The following AFF1 variants were observed in gnomAD, a reference collection of about 807,000 sequenced individuals.
AFF1 encodes the protein ALF transcription elongation factor 1, also known as AF4/FMR2 family member 1.
A neutral mutation model predicts 121.7 loss-of-function variants in AFF1; 48 were observed. The observed-to-expected ratio is 0.39, with a 90% CI of 0.31 to 0.50. The LOEUF (loss-of-function observed/expected upper bound fraction) is 0.50, where lower values mean the gene tolerates loss of function less well. AFF1 is among the 20% of genes least tolerant of loss of function. The pLI is 0.76. For synonymous variants in AFF1, 613 were observed against 563.0 expected, an observed-to-expected ratio of 1.09 and a Z score of -1.26; for missense variants, 1,523 against 1,511.7, an observed-to-expected ratio of 1.01 and a Z score of -0.12.
At chr4:87,074,190 A>C (rs1031707126) in intron 4 of AFF1, among the ~76,000 whole-genome samples, 1 of 152,186 alleles carries the variant, frequency 6.6e-6, no homozygotes, top group South Asian at 2.1e-4. Flanking sequence ...TTTCGTGAGC[A>C]GAATTGGTTG....
intron 2 of AFF1, among the ~76,000 whole-genome samples, chr4:87,010,919 AC>A (rs1726673825): frequency 1.3e-5 from 2 of 152,000 alleles, no homozygotes; most frequent in East Asian, 1.9e-4. Flanking sequence ...TACTAAAAAT[AC>A]AAAAAAAAAT....
At chr4:86,960,640 GC>G (rs1257098706) in intron 2 of AFF1, among the ~76,000 whole-genome samples, 1 of 152,142 alleles carries the variant, frequency 6.6e-6, no homozygotes, top group Non-Finnish European at 1.5e-5. Context: ...GGTGTTGAAA[GC>G]AATGCTACTA....
At chr4:86,938,484 AGT>A (rs1720214730) in intron 1 of AFF1, among the ~76,000 whole-genome samples, 1 of 151,176 alleles carries the variant, frequency 6.6e-6, no homozygotes. Context: ...GAAAAAAGTA[AGT>A]GTATTTACCA....
At chr4:86,946,763 A>C (rs1720893650) in intron 1 of AFF1, among the ~76,000 whole-genome samples, 1 of 152,026 alleles carries the variant, frequency 6.6e-6, no homozygotes, top group African/African-American at 2.4e-5. Flanking sequence ...GTCAACAAAC[A>C]AGTGAACTCA....
chr4:87,139,733 G>A lies in AFF1; in HGVS notation c.*4032G>A, dbSNP rs903439890. On this transcript the variant is annotated 3_prime_UTR_variant, in exon 21 of 21. Coordinates refer to ENST00000395146, the MANE Select transcript of AFF1 (RefSeq NM_001166693.3). Reference sequence around the variant, plus strand: ...ATTTTGTGTCATTCTATTGGAAGGAGGTGTAACGGCAGAATAGCATCGTGT... The same window carrying A: ...ATTTTGTGTCATTCTATTGGAAGGAAGTGTAACGGCAGAATAGCATCGTGT... 8.4e-5 allele frequency: 19 copies of A among 227,512 alleles called. No homozygotes were observed. The highest frequency in any genetic ancestry group is 3.8e-4 in the African/African-American group (17 of 45,078). The allele number at this position is 227,512 out of a possible 1,614,324, so 14.1% of individuals were successfully genotyped here.
In AFF1 at chr4:87,084,571, A is replaced by C. The variant is rs985267489; in HGVS notation, c.1104+407A>C. On this transcript the variant is annotated intron_variant, in intron 5 of 20. Transcript: ENST00000395146. ...TCTCCAATAAATAAATAAATAAATA[A>C]ATAAATAAATAAATAAATAAATAAA... Among the ~76,000 whole-genome samples, 76 of 144,886 alleles carry C rather than the reference A, an allele frequency of 5.2e-4. 3 individuals carry two copies. In the South Asian group the frequency reaches 0.014, roughly 28 times the overall value.
At chr4:87,123,235 ATTACT>A (rs1028662810) in intron 12 of AFF1, among the ~76,000 whole-genome samples, 4 of 152,206 alleles carry the variant, frequency 2.6e-5, no homozygotes, top group Admixed American at 6.5e-5. Context: ...TACCTAAAAG[ATTACT>A]TTAATCAACT....
At chr4:87,111,161 C>A (rs1726485268) in intron 11 of AFF1, among the ~76,000 whole-genome samples, 1 of 83,670 alleles carries the variant, frequency 1.2e-5, no homozygotes, top group Non-Finnish European at 2.6e-5. Flanking sequence ...GCGCCCGCTA[C>A]CACGCCCGGC....
At chr4:87,054,303 C>A (rs926306951) in intron 4 of AFF1, among the ~76,000 whole-genome samples, 3 of 152,164 alleles carry the variant, frequency 2.0e-5, no homozygotes, top group Non-Finnish European at 2.9e-5. Context: ...TCAAGAAGCC[C>A]CCCGACATGT....
chr4:87,080,000 G>A (rs1723017802), intron 4 of AFF1, among the ~76,000 whole-genome samples: 1 of 152,168 alleles, frequency 6.6e-6, no homozygotes, highest in South Asian at 2.1e-4. Context: ...AGAGTTTAAT[G>A]CAACGTGAAG....
At chr4:87,047,863 A>G (rs1730880147) in intron 4 of AFF1, 2 of 517,918 alleles carry the variant, frequency 3.9e-6, no homozygotes, top group East Asian at 3.5e-5. Context: ...CATAGAGATC[A>G]TAAGAGTACA....
chr4:87,005,025 TGA>T (rs1336351920), intron 2 of AFF1, among the ~76,000 whole-genome samples: 1 of 152,244 alleles, frequency 6.6e-6, no homozygotes, highest in Non-Finnish European at 1.5e-5. Flanking sequence ...GGTTTTTGTT[TGA>T]GAGAGAGTCT....
chr4:86,972,085 C>T (rs1722985395), intron 2 of AFF1, among the ~76,000 whole-genome samples: 1 of 124,838 alleles, frequency 8.0e-6, no homozygotes, highest in Non-Finnish European at 1.6e-5. Flanking sequence ...CTCCTGTGAG[C>T]TGTGATTGCA....
chr4:86,992,958 A>C (rs2149508159), intron 2 of AFF1, among the ~76,000 whole-genome samples: 1 of 152,306 alleles, frequency 6.6e-6, no homozygotes, highest in South Asian at 2.1e-4. Flanking sequence ...TAGAAGACAA[A>C]GATTTTTTAA....
At chr4:86,976,529 G>A (rs1226072666) in intron 2 of AFF1, among the ~76,000 whole-genome samples, 2 of 152,080 alleles carry the variant, frequency 1.3e-5, no homozygotes, top group African/African-American at 2.4e-5. Flanking sequence ...ACAGAAAACC[G>A]AATACCACAT....
intron 2 of AFF1, among the ~76,000 whole-genome samples, chr4:86,971,841 A>G (rs2149480496): frequency 6.6e-6 from 1 of 152,210 alleles, no homozygotes; most frequent in Middle Eastern, 3.4e-3. Flanking sequence ...ACTGGGTGTT[A>G]AAGTTTGAAG....
At chr4:87,063,447 G>A (rs1721001825) in intron 4 of AFF1, among the ~76,000 whole-genome samples, 1 of 151,742 alleles carries the variant, frequency 6.6e-6, no homozygotes, top group South Asian at 2.1e-4. Context: ...CCGTGTGGGT[G>A]AGGCTGTTCT....
intron 2 of AFF1, among the ~76,000 whole-genome samples, chr4:87,006,826 C>T (rs950362878): frequency 1.3e-5 from 2 of 152,192 alleles, no homozygotes; most frequent in Non-Finnish European, 1.5e-5. Flanking sequence ...GGCTTGTCGG[C>T]GCCCAGGCTC....
intron 4 of AFF1, among the ~76,000 whole-genome samples, chr4:87,081,778 C>G (rs1372642144): frequency 2.6e-5 from 4 of 152,188 alleles, no homozygotes; most frequent in Non-Finnish European, 5.9e-5. Flanking sequence ...ATGCTTGAAT[C>G]TAAGACCTTA....
Sources: gnomAD v4.1 joint callset for allele counts (sites outside exome capture counted in the v4.1 genomes callset) on GRCh38, gnomAD v4.1.1 for gene constraint, MANE v1.5 for transcripts, NCBI Gene and HGNC (gene_info 2026-07-23, HGNC 2026-07-21) for gene names.